SH2D6: variants seen among roughly 807,000 people sequenced by gnomAD.
SH2D6 encodes SH2 domain containing 6, also known as SH2 domain-containing protein 6.
SH2D6 carries 31 observed loss-of-function variants against 30.2 expected under a neutral mutation model. The ratio of observed to expected loss-of-function variants is 1.03; its 90% confidence interval spans 0.77 to 1.38. The LOEUF (loss-of-function observed/expected upper bound fraction) is 1.38, where lower values mean the gene tolerates loss of function less well. Ranked by LOEUF, SH2D6 falls within the 40% of genes most tolerant of loss-of-function variation. The pLI, the probability that SH2D6 is intolerant of heterozygous loss-of-function variation, is 0.00. For synonymous variants in SH2D6, 93 were observed against 104.6 expected (o/e 0.89, Z 0.68); for missense variants, 240 against 266.8 (o/e 0.90, Z 0.70).
intron 22 of SH2D6, 71 bp downstream of exon 22, chr2:85,435,895 T>C: frequency 1.4e-6 from 2 of 1,445,620 alleles, no homozygotes; most frequent in East Asian, 2.5e-5. Context: ...CCAAGAGCAT[T>C]TGCCTAGGGA....
rs763130775 is a variant in SH2D6, at chr2:85,435,716, C to G, written c.783C>G (p.Pro261=). Residue 261 remains proline (P), a synonymous_variant, in exon 22 of 24, where the codon CCC becomes CCG. Coordinates refer to ENST00000469800, the MANE Select transcript of SH2D6 (RefSeq NM_001394463.1). ...GCTCAGGGCCTCATGGCTCCCAGCC[C>G]TTCACCCTGGCAGTGCTTCTCCGAG... ...RPSSGPHGSQ[P]FTLAVLLRGR... is the part of the protein sequence containing the mutation. 8 of 1,613,306 alleles carry G rather than the reference C, an allele frequency of 5.0e-6. No individual in the cohort carries two copies. The African/African-American group carries it at 1.1e-4, about 22-fold the overall frequency.
intron 2 of SH2D6, chr2:85,421,604 G>A (rs1311248732): frequency 6.6e-6 from 1 of 152,254 alleles, no homozygotes; most frequent in African/African-American, 2.4e-5. Flanking sequence ...CAGACACAGT[G>A]GCTGCCCATT....
chr2:85,436,614 C>T lies in SH2D6; in HGVS notation c.*12+20C>T. 1 of 1,584,388 alleles carries T rather than the reference C, an allele frequency of 6.3e-7. No homozygotes were observed. The highest frequency in any genetic ancestry group is 2.2e-5 in the East Asian group (1 of 44,668). On this transcript the variant is annotated intron_variant, in intron 23 of 23. Coordinates refer to ENST00000469800, the MANE Select transcript of SH2D6 (RefSeq NM_001394463.1). ...AGCGAAGTACACACCGCCTTTGGCC[C>T]CAGTTTGCTTCTTGTCCCGCCCCAC...
intron 15 of SH2D6, 142 bp downstream of exon 15, chr2:85,433,263 C>G (rs535855972): frequency 2.0e-4 from 113 of 569,796 alleles, no homozygotes; most frequent in Admixed American, 1.8e-3. Context: ...GCCCCTCAGC[C>G]ACAGGCCCCT....
intron 5 of SH2D6, among the ~76,000 whole-genome samples, chr2:85,423,371 A>G (rs1558745232): frequency 6.6e-6 from 1 of 151,878 alleles, no homozygotes; most frequent in Non-Finnish European, 1.5e-5. Context: ...AAGTGGGATT[A>G]TAGGCGTGTG....
chr2:85,428,199 C>A (rs1688226015), intron 6 of SH2D6, among the ~76,000 whole-genome samples: 1 of 151,936 alleles, frequency 6.6e-6, no homozygotes, highest in Non-Finnish European at 1.5e-5. Flanking sequence ...GTCATGAGCT[C>A]CTTAAGGAAG....
At position 85,434,507 on chromosome 2, in the gene SH2D6, G is replaced by A. The variant is rs1450395808; in HGVS notation, c.589+10G>A. 2 of 1,550,324 alleles carry A rather than the reference G, an allele frequency of 1.3e-6. No individual in the cohort carries two copies. Among genetic ancestry groups the A allele is most frequent in the Admixed American group, 3.9e-5 (2 of 50,980 alleles). On this transcript the variant is annotated intron_variant, in intron 19 of 23. Coordinates refer to ENST00000469800, the MANE Select transcript of SH2D6 (RefSeq NM_001394463.1). ...GATGCTGCCTCTAAAGGTGAGTAAAGGCTGGTCCAAAGGTAGTGAGTTATC... is the reference window on the plus strand; with the variant it reads ...GATGCTGCCTCTAAAGGTGAGTAAAAGCTGGTCCAAAGGTAGTGAGTTATC...
At chr2:85,427,086 T>G (rs142758328) in intron 6 of SH2D6, among the ~76,000 whole-genome samples, 18 of 152,360 alleles carry the variant, frequency 1.2e-4, no homozygotes, top group African/African-American at 3.8e-4. Context: ...AAAATCCATT[T>G]GAGTTTTATC....
chr2:85,432,372 T>C (rs1237393733), intron 14 of SH2D6, among the ~76,000 whole-genome samples: 1 of 135,666 alleles, frequency 7.4e-6, no homozygotes, highest in African/African-American at 2.6e-5. Context: ...AATTTTTGTA[T>C]TTTTATTTAT....
At chr2:85,435,040 C>CCCCCCCAAA in intron 19 of SH2D6, 25 bp from the exon 20 acceptor site, 1 of 1,578,124 alleles carries the variant, frequency 6.3e-7, no homozygotes, top group Non-Finnish European at 8.6e-7. Context: ...CACCCCACCC[C>CCCCCCCAAA]AGCTCAATAA....
chr2:85,433,495 C>T (rs1426918792), intron 15 of SH2D6, 76 bp from the exon 16 acceptor site: 1 of 788,742 alleles, frequency 1.3e-6, no homozygotes, highest in Non-Finnish European at 1.5e-6. Flanking sequence ...GATGGCTCCT[C>T]CCCCAAAACC....
chr2:85,434,225 G>A (rs1191944548), intron 17 of SH2D6, 114 bp downstream of exon 17: 1 of 1,513,934 alleles, frequency 6.6e-7, no homozygotes, highest in Non-Finnish European at 8.9e-7. Flanking sequence ...TCCTTGCACT[G>A]TCCCATGGTT....
rs1454048539 is a variant in SH2D6 at position 85,429,410 on chromosome 2, AGGCCAT to A, written c.-55_-50del. On this transcript the variant is annotated 5_prime_UTR_variant, in exon 8 of 24. Transcript: ENST00000469800. ...TGGGAACAATGGAGCCCTTGTCCCCAGGCCATTTGTGGCAGATCCTGGGCTCCAGGG... is the reference window on the plus strand; with the variant it reads ...TGGGAACAATGGAGCCCTTGTCCCCATTGTGGCAGATCCTGGGCTCCAGGG... 6.6e-6 allele frequency: 1 copy of A among 152,332 alleles called. No individual in the cohort carries two copies. Among genetic ancestry groups the A allele is most frequent in the Non-Finnish European group, 1.5e-5 (1 of 68,072 alleles). 9.4% of individuals were successfully genotyped at this position (152,332 alleles called of 1,614,324 possible).
intron 22 of SH2D6, among the ~76,000 whole-genome samples, chr2:85,436,208 C>T (rs910932964): frequency 1.1e-4 from 16 of 152,204 alleles, no homozygotes; most frequent in East Asian, 3.9e-4. Flanking sequence ...AGGGCAGAGG[C>T]GCACCCTAGA....
chr2:85,435,040 CAG>C, intron 19 of SH2D6, 23 bp from the exon 20 acceptor site: 2 of 1,578,084 alleles, frequency 1.3e-6, no homozygotes, highest in South Asian at 1.1e-5. Flanking sequence ...CACCCCACCC[CAG>C]CTCAATAATC....
intron 14 of SH2D6, among the ~76,000 whole-genome samples, chr2:85,432,837 G>A (rs1472299848): frequency 6.6e-6 from 1 of 152,216 alleles, no homozygotes. Context: ...GTGCCCAGCT[G>A]CTATGATTTT....
chr2:85,434,344 A>T lies in SH2D6; in HGVS notation c.538A>T (p.Thr180Ser). The T allele has an allele frequency of 6.5e-7, 1 of 1,548,082 alleles. No homozygotes were observed. The highest frequency in any genetic ancestry group is 8.7e-7 in the Non-Finnish European group (1 of 1,145,176). Residue 180 changes from threonine (T) to serine (S), a missense_variant, in exon 18 of 24, where the codon ACC becomes TCC. Transcript: ENST00000469800. Reference sequence around the variant, plus strand: ...CCCCCGATTTGCTTCCCACAGGCCTACCACAGCCCCCCAGGAAACTCGGAA... The same window carrying T: ...CCCCCGATTTGCTTCCCACAGGCCTTCCACAGCCCCCCAGGAAACTCGGAA... Reference protein sequence around the residue: ...LPRTSVVPRPTTAPQETRNGT... With the variant: ...LPRTSVVPRPSTAPQETRNGT...
rs577461394 is a variant in SH2D6, at chr2:85,434,357, A to C, written c.551A>C (p.Gln184Pro). 3,217 of 1,548,996 alleles carry C rather than the reference A, an allele frequency of 2.1e-3. 3 individuals carry two copies. Among genetic ancestry groups the C allele is most frequent in the Non-Finnish European group, 2.6e-3 (3,018 of 1,145,804 alleles). The change falls in exon 18 of 24, where the codon CAG becomes CCG. Residue 184 changes from glutamine (Q) to proline (P), a missense_variant. By Grantham distance (76) the Gln-to-Pro change is moderately conservative. Transcript: ENST00000469800. The stretch of plus-strand genomic sequence containing the variant: ...TCCCACAGGCCTACCACAGCCCCCC[A>C]GGAAACTCGGAATGTAAGAGGCTGA... ...SVVPRPTTAP[Q>P]ETRNGTADAA...
Position 85,435,826 on chromosome 2 carries a change from T to C in SH2D6, c.891+2T>C, listed in dbSNP as rs1290273183. On this transcript the variant is annotated splice_donor_variant, in intron 22 of 23. Transcript: ENST00000469800. LOFTEE classifies it high-confidence loss of function. ...CGGGAGGGCAGGAACCGTGAGGAGG[T>C]GGGAGCTGGAGGAGGCAGGGGCCTA... 1.9e-6 allele frequency: 3 copies of C among 1,583,454 alleles called. No homozygotes were observed. The highest frequency in any genetic ancestry group is 2.6e-6 in the Non-Finnish European group (3 of 1,165,096).
Sources: allele counts gnomAD v4.1 joint callset (sites outside exome capture counted in the v4.1 genomes callset), GRCh38; gene constraint gnomAD v4.1.1; transcripts MANE v1.5; gene names NCBI Gene and HGNC (gene_info 2026-07-23, HGNC 2026-07-21).